Variants in SELENOW observed in about 807,000 individuals in gnomAD.
SELENOW encodes selenoprotein W, also known as selenoprotein W, 1.
A neutral mutation model predicts 16.6 loss-of-function variants in SELENOW; 20 were observed. The ratio of observed to expected loss-of-function variants is 1.21; its 90% CI spans 0.85 to 1.76. The LOEUF is 1.76. Among genes scored for constraint, SELENOW ranks in the 40% most tolerant of loss-of-function variants. The pLI is 0.00. For synonymous variants in SELENOW, 44 were observed against 46.2 expected (o/e 0.95, Z 0.19); for missense variants, 124 against 111.0 (o/e 1.12, Z -0.53).
At chr19:47,781,906 C>T (rs1459599215) in intron 5 of SELENOW, among the ~76,000 whole-genome samples, 2 of 151,328 alleles carry the variant, frequency 1.3e-5, no homozygotes, top group East Asian at 3.9e-4. Context: ...CAGAGGTGTG[C>T]AGGATGACAG....
intron 1 of SELENOW, chr19:47,780,096 G>A: frequency 2.2e-6 from 1 of 456,006 alleles, no homozygotes; most frequent in Non-Finnish European, 4.4e-6. Context: ...CCTGGGGACT[G>A]GGAAGGTGTT....
rs1033481158 is a variant in SELENOW, at chr19:47,781,574, C to T, written c.*18+186C>T. 8.3e-6 allele frequency: 5 copies of T among 601,316 alleles called. No homozygotes were observed. In the East Asian group the frequency reaches 1.4e-4, roughly 17 times the overall value. The allele number at this position is 601,316 out of a possible 1,614,324, so 37.2% of individuals were successfully genotyped here. ...CAACTGAGATGGGGTCAGAGGTGTG[C>T]AGGGTGACAGCTGAGATGGTGATGG... On this transcript the variant is annotated intron_variant, in intron 5 of 5. Transcript: ENST00000601048.
chr19:47,781,291 A>C lies in SELENOW; in HGVS notation c.185A>C (p.Lys62Thr). ...CTTCCCTCTTCCTCCCCTCCCTAGA[A>C]AGGCGATGGCTACGTGGACACAGAA... Reference protein sequence around the residue: ...VAGKLIHSKKKGDGYVDTESK... With the variant: ...VAGKLIHSKKTGDGYVDTESK... Residue 62 changes from lysine (K) to threonine (T), a missense_variant and splice_region_variant, in exon 5 of 6, where the codon AAA becomes ACA. Transcript: ENST00000601048. The C allele has an allele frequency of 6.2e-7, 1 of 1,613,436 alleles. No individual in the cohort carries two copies. The highest frequency in any genetic ancestry group is 1.1e-5 in the South Asian group (1 of 91,066).
In SELENOW at chr19:47,778,727, G is replaced by A. The variant is rs555909067; in HGVS notation, c.-59G>A. On this transcript the variant is annotated 5_prime_UTR_variant, in exon 1 of 6. Transcript: ENST00000601048. ...CACTCGCGCAGACCTAGCGCGTCCAGGTGGGAGGTTAGTGTGGCCCGGGCG... is the reference window on the plus strand; with the variant it reads ...CACTCGCGCAGACCTAGCGCGTCCAAGTGGGAGGTTAGTGTGGCCCGGGCG... 1.3e-5 allele frequency: 21 copies of A among 1,570,234 alleles called. No individual in the cohort carries two copies. In the African/African-American group the frequency reaches 2.9e-4, roughly 21 times the overall value.
chr19:47,781,208 G>T, intron 4 of SELENOW, 26 bp downstream of exon 4: 1 of 1,611,406 alleles, frequency 6.2e-7, no homozygotes, highest in Non-Finnish European at 8.5e-7. Context: ...CGTCCTGCCT[G>T]GTTTTGGGGC....
At chr19:47,780,338 G>A (rs1720547017) in intron 1 of SELENOW, 1 of 369,472 alleles carries the variant, frequency 2.7e-6, no homozygotes, top group Non-Finnish European at 5.3e-6. Flanking sequence ...GGAGTGGGTG[G>A]GGACCTTACG....
At chr19:47,780,581 C>A (rs1003012650) in intron 1 of SELENOW, 144 bp from the exon 2 acceptor site, 2 of 682,906 alleles carry the variant, frequency 2.9e-6, no homozygotes, top group East Asian at 5.5e-5. Flanking sequence ...GTCACCTCTT[C>A]TGCTTGGTCA....
intron 5 of SELENOW, chr19:47,783,181 G>C (rs1967495086): frequency 6.6e-6 from 1 of 151,756 alleles, no homozygotes. Context: ...TGGAATTACA[G>C]ATGTCTGCCA....
Position 47,778,810 on chromosome 19 carries a change from T to C in SELENOW, c.25T>C (p.Tyr9His), listed in dbSNP as rs1967437290. Residue 9 changes from tyrosine to histidine, a missense_variant, in exon 1 of 6, where the codon TAT becomes CAT. Physicochemically the swap from Tyr to His is moderately conservative, Grantham distance 83. Coordinates refer to ENST00000601048, the MANE Select transcript of SELENOW (RefSeq NM_003009.4). MALAVRVV[Y>H]CGAUGYKSKY... Reference sequence around the variant, plus strand: ...CATGGCTCTCGCCGTCCGAGTCGTTTATTGGTAAGCCCAGCGGCCAGCGGC... The same window carrying C: ...CATGGCTCTCGCCGTCCGAGTCGTTCATTGGTAAGCCCAGCGGCCAGCGGC... 6.4e-7 allele frequency: 1 copy of C among 1,565,354 alleles called. No individual in the cohort carries two copies. Among genetic ancestry groups the C allele is most frequent in the Admixed American group, 1.8e-5 (1 of 56,100 alleles).
intron 3 of SELENOW, 50 bp downstream of exon 3, chr19:47,780,967 C>A: frequency 6.3e-7 from 1 of 1,599,028 alleles, no homozygotes; most frequent in Non-Finnish European, 8.6e-7. Context: ...CTGTGTCGGT[C>A]CGTTAGGCCT....
intron 5 of SELENOW, among the ~76,000 whole-genome samples, chr19:47,781,891 G>GGTGAT (rs912557950): frequency 2.0e-5 from 3 of 149,922 alleles, no homozygotes; most frequent in South Asian, 2.1e-4. Context: ...CAGCTGAGAT[G>GGTGAT]GGGTCAGAGG....
chr19:47,781,498 T>A (rs771103702), intron 5 of SELENOW, 110 bp downstream of exon 5: 13 of 675,574 alleles, frequency 1.9e-5, no homozygotes, highest in Non-Finnish European at 2.9e-5. Context: ...GGACATCACG[T>A]GTGTCCCCAG....
rs761342539 is a variant in SELENOW at position 47,778,850 on chromosome 19, C to G, written c.29+36C>G. The G allele has an allele frequency of 3.8e-6, 6 of 1,581,512 alleles. No individual in the cohort carries two copies. The African/African-American group carries it at 6.7e-5, about 18-fold the overall frequency. ...CGGCCAGCGGCCCCCGTCCCCGACC[C>G]CCGCCGGGACCCGATTCTCGGAGCC... On this transcript the variant is annotated intron_variant, in intron 1 of 5. Transcript: ENST00000601048.
Position 47,780,899 on chromosome 19 carries a change from C to T in SELENOW, c.90C>T (p.Phe30=), listed in dbSNP as rs187750523. ...TCAAGAAGAAGTTAGAAGATGAGTT[C>T]CCCGGCCGCCTGGACATCGTGAGTC... ...LQLKKKLEDE[F]PGRLDICGEG... The change falls in exon 3 of 6, where the codon TTC becomes TTT. Residue 30 remains phenylalanine (F), a synonymous_variant. Coordinates refer to ENST00000601048, the MANE Select transcript of SELENOW (RefSeq NM_003009.4). 1.2e-6 allele frequency: 2 copies of T among 1,613,246 alleles called. No individual in the cohort carries two copies. The highest frequency in any genetic ancestry group is 1.3e-5 in the African/African-American group (1 of 74,946).
chr19:47,783,627 A>G (rs1194154594), intron 5 of SELENOW: 1 of 152,132 alleles, frequency 6.6e-6, no homozygotes, highest in Admixed American at 6.6e-5. Context: ...GTGCCAGAAA[A>G]CTAGTTTTCA....
At chr19:47,778,956 C>A in intron 1 of SELENOW, 142 bp downstream of exon 1, 2 of 765,026 alleles carry the variant, frequency 2.6e-6, no homozygotes, top group Non-Finnish European at 4.0e-6. Flanking sequence ...GTGGGGTGGG[C>A]GTACGGAGGG....
intron 5 of SELENOW, 199 bp downstream of exon 5, chr19:47,781,587 G>C: frequency 1.7e-6 from 1 of 597,996 alleles, no homozygotes. Context: ...GGTGACAGCT[G>C]AGATGGTGAT....
chr19:47,783,381 T>C (rs1168909550), intron 5 of SELENOW: 2 of 152,248 alleles, frequency 1.3e-5, no homozygotes, highest in Non-Finnish European at 2.9e-5. Context: ...TTTGTATTTT[T>C]TAGTAGAGAC....
chr19:47,779,769 A>G (rs1006377249), intron 1 of SELENOW: 1 of 158,250 alleles, frequency 6.3e-6, no homozygotes, highest in African/African-American at 2.4e-5. Context: ...AAATCGTGCC[A>G]CTGCACTCCA....
Sources: gnomAD v4.1 joint callset for allele counts (sites outside exome capture counted in the v4.1 genomes callset) on GRCh38, gnomAD v4.1.1 for gene constraint, MANE v1.5 for transcripts, NCBI Gene and HGNC (gene_info 2026-07-23, HGNC 2026-07-21) for gene names.